Variants in CABIN1 observed in about 807,000 individuals in gnomAD.
The protein encoded by CABIN1 is calcineurin-binding protein cabin-1.
A neutral mutation model predicts 227.7 loss-of-function variants in CABIN1; 133 were observed. The ratio of observed to expected loss-of-function variants is 0.58; its 90% confidence interval spans 0.51 to 0.67. CABIN1 has a LOEUF of 0.67. CABIN1 is among the 30% of genes least tolerant of loss of function. The probability of loss-of-function intolerance (pLI) is 0.00; values close to 1 mark genes in which losing one functional copy is unlikely to be tolerated. For missense variants in CABIN1, 2,408 were observed against 2,852.5 expected, an observed-to-expected ratio of 0.84 and a Z score of 3.55; for synonymous variants, 1,086 against 1,155.1, an observed-to-expected ratio of 0.94 and a Z score of 1.21.
intron 6 of CABIN1, among the ~76,000 whole-genome samples, chr22:24,047,756 CTG>C (rs1400875760): frequency 6.6e-6 from 1 of 152,262 alleles, no homozygotes; most frequent in African/African-American, 2.4e-5. Flanking sequence ...TGGTTTTCCT[CTG>C]TGTGTTGCTT....
intron 28 of CABIN1, among the ~76,000 whole-genome samples, chr22:24,120,129 T>G (rs1298689931): frequency 1.3e-5 from 2 of 152,196 alleles, no homozygotes; most frequent in East Asian, 3.9e-4. Flanking sequence ...TGTTCTGGCC[T>G]TGCTTGCCCT....
chr22:24,145,660 C>T (rs2045065960), intron 29 of CABIN1, among the ~76,000 whole-genome samples: 1 of 152,178 alleles, frequency 6.6e-6, no homozygotes, highest in African/African-American at 2.4e-5. Flanking sequence ...GGCCCTGGGT[C>T]TGCGTGCATG....
chr22:24,023,161 A>G (rs543085632), intron 1 of CABIN1, among the ~76,000 whole-genome samples: 4 of 152,304 alleles, frequency 2.6e-5, no homozygotes, highest in African/African-American at 4.8e-5. Context: ...ACTTTTGTAT[A>G]TGGCCTATTT....
At position 24,177,834 on chromosome 22, in the gene CABIN1, G is replaced by T. The variant is rs781449467; in HGVS notation, c.6519+17G>T. The stretch of plus-strand genomic sequence containing the variant: ...AAGCTGAAGGTGACCTCAGGGGCTG[G>T]GCTGGAGCCATGTGTGGGTGGGAGG... On this transcript the variant is annotated intron_variant, in intron 36 of 36. Transcript: ENST00000263119. The surrounding 1 kb of genome is among the most constrained non-coding windows in gnomAD (Gnocchi z 4.4). 1 of 1,604,154 alleles carries T rather than the reference G, an allele frequency of 6.2e-7. No homozygotes were observed. The highest frequency in any genetic ancestry group is 1.1e-5 in the South Asian group (1 of 90,064).
At chr22:24,018,447 C>T (rs759978058) in intron 1 of CABIN1, among the ~76,000 whole-genome samples, 15 of 152,210 alleles carry the variant, frequency 9.9e-5, no homozygotes, top group Non-Finnish European at 1.5e-4. Context: ...TGTATGGTTT[C>T]ATTTTTTATC....
chr22:24,107,616 C>G (rs1352622629), intron 26 of CABIN1, among the ~76,000 whole-genome samples: 1 of 152,220 alleles, frequency 6.6e-6, no homozygotes, highest in Non-Finnish European at 1.5e-5. Context: ...GAGGTCTGGC[C>G]ACCTTCACTG....
intron 8 of CABIN1, among the ~76,000 whole-genome samples, chr22:24,053,595 T>G (rs1370840160): frequency 2.6e-5 from 4 of 151,782 alleles, no homozygotes; most frequent in African/African-American, 7.3e-5. Flanking sequence ...GTCAGGCAGG[T>G]CTCGAACTCC....
intron 26 of CABIN1, among the ~76,000 whole-genome samples, chr22:24,101,217 T>A (rs1237908259): frequency 6.6e-6 from 1 of 152,224 alleles, no homozygotes; most frequent in Non-Finnish European, 1.5e-5. Flanking sequence ...CCTTCCCACA[T>A]TGGTATGCCT....
chr22:24,178,243 C>G lies in CABIN1; in HGVS notation c.*47C>G. The stretch of plus-strand genomic sequence containing the variant: ...CCACGCCCCAGGGGACCAGCCAGGC[C>G]TGGAATGCCCCCTGGGCAGGACCCT... On this transcript the variant is annotated 3_prime_UTR_variant, in exon 37 of 37. Transcript: ENST00000263119. The G allele has an allele frequency of 6.2e-7, 1 of 1,609,458 alleles. No homozygotes were observed.
intron 10 of CABIN1, 150 bp downstream of exon 10, chr22:24,056,510 C>T: frequency 2.6e-6 from 2 of 781,966 alleles, no homozygotes; most frequent in Non-Finnish European, 4.2e-6. Context: ...AAGCACAAAT[C>T]TCACTGGAGT....
At chr22:24,175,023 C>G (rs2047025845) in intron 34 of CABIN1, among the ~76,000 whole-genome samples, 1 of 152,224 alleles carries the variant, frequency 6.6e-6, no homozygotes, top group South Asian at 2.1e-4. Flanking sequence ...AGCTGTAATT[C>G]ATGTCCTTCT....
At chr22:24,028,940 G>A (rs1601681152) in intron 1 of CABIN1, among the ~76,000 whole-genome samples, 3 of 152,300 alleles carry the variant, frequency 2.0e-5, no homozygotes, top group Admixed American at 2.0e-4. Flanking sequence ...AGAGGTGAGG[G>A]CATGTAGAGG....
At chr22:24,156,605 G>A (rs540879014) in intron 29 of CABIN1, 176 of 152,576 alleles carry the variant, frequency 1.2e-3, no homozygotes, top group Non-Finnish European at 2.2e-3. Context: ...CGGGTGGGCA[G>A]CGCGTCCGGG....
rs775332958 is a variant in CABIN1, at chr22:24,113,641, G to C, written c.4193G>C (p.Ser1398Thr). 60 of 1,614,004 alleles carry C rather than the reference G, an allele frequency of 3.7e-5. No homozygotes were observed. The South Asian group carries it at 6.5e-4, about 17-fold the overall frequency. Residue 1398 changes from serine to threonine, a missense_variant, in exon 27 of 37, where the codon AGC becomes ACC. Physicochemically the swap from Ser to Thr is moderately conservative, Grantham distance 58. Around this residue, in one of 3 missense-constraint regions of CABIN1, gnomAD observed 649 missense variants for 910.3 expected, o/e 0.71. Coordinates refer to ENST00000263119, the MANE Select transcript of CABIN1 (RefSeq NM_012295.4). ...STQDFFNEPT[S>T]LLEGSRKSYT... ...CAGGACTTCTTTAATGAGCCCACCA[G>C]CTTACTGGAAGGCTCCAGGAAATCC...
Position 24,091,958 on chromosome 22 carries a change from T to TA in CABIN1, c.3786+116dup, listed in dbSNP as rs1431141043. The TA allele has an allele frequency of 3.9e-6, 5 of 1,297,780 alleles. No individual in the cohort carries two copies. The Admixed American group carries it at 7.8e-5, about 20-fold the overall frequency. The allele number at this position is 1,297,780 out of a possible 1,614,324, so 80.4% of individuals were successfully genotyped here. A position where few individuals can be genotyped will look rare whatever the true frequency, so the allele number is the denominator to read the frequency against. On this transcript the variant is annotated intron_variant, in intron 24 of 36. Transcript: ENST00000263119. ...ACCGTCCTTCAACCTGCCGCAAACT[T>TA]ATCTGTGTTGAGCAGCTTCATGTGC...
intron 29 of CABIN1, among the ~76,000 whole-genome samples, chr22:24,145,476 C>T (rs1028997293): frequency 1.8e-4 from 28 of 152,176 alleles, no homozygotes; most frequent in Non-Finnish European, 2.6e-4. Context: ...GCACCTGAGC[C>T]AGGATTTAGG....
intron 19 of CABIN1, among the ~76,000 whole-genome samples, chr22:24,077,488 TC>T (rs761197990): frequency 3.3e-5 from 5 of 152,170 alleles, no homozygotes; most frequent in Non-Finnish European, 7.3e-5. Context: ...CTGGCCCAGG[TC>T]CCTGTTGCTG....
At chr22:24,120,732 G>A (rs1383122422) in intron 28 of CABIN1, among the ~76,000 whole-genome samples, 3 of 152,172 alleles carry the variant, frequency 2.0e-5, no homozygotes, top group African/African-American at 7.2e-5. Flanking sequence ...AGAATTGCTC[G>A]AACCCGGGAG....
At position 24,177,369 on chromosome 22, in the gene CABIN1, C is replaced by G; in HGVS notation, c.6206-135C>G. 1.3e-6 allele frequency: 1 copy of G among 785,870 alleles called. No homozygotes were observed. Among genetic ancestry groups the G allele is most frequent in the Non-Finnish European group, 2.0e-6 (1 of 499,562 alleles). The allele number at this position is 785,870 out of a possible 1,614,324, so 48.7% of individuals were successfully genotyped here. On this transcript the variant is annotated intron_variant, in intron 35 of 36. Transcript: ENST00000263119. The surrounding 1 kb of genome is among the most constrained non-coding windows in gnomAD (Gnocchi z 4.4). ...GCCAAGTATTTGCCCAGGGTAGAAG[C>G]CTTGGAGCCTGCCAGCCAGCACAAA...
Sources: allele counts gnomAD v4.1 joint callset (sites outside exome capture counted in the v4.1 genomes callset), GRCh38; gene constraint gnomAD v4.1.1; regional missense constraint gnomAD v4.1.1; non-coding constraint Gnocchi (gnomAD v3.1); transcripts MANE v1.5; gene names NCBI Gene and HGNC (gene_info 2026-07-23, HGNC 2026-07-21).